SEZ6L: variants seen among roughly 807,000 people sequenced by gnomAD.
SEZ6L encodes the protein seizure 6-like protein.
SEZ6L carries 37 observed loss-of-function variants against 106.2 expected under a neutral mutation model. The ratio of observed to expected loss-of-function variants is 0.35; its 90% CI spans 0.27 to 0.46. The LOEUF (loss-of-function observed/expected upper bound fraction) is 0.46. Ranked by LOEUF, SEZ6L falls within the 20% of genes least tolerant of loss-of-function variation. The pLI, the probability that SEZ6L is intolerant of heterozygous loss-of-function variation, is 1.00. For synonymous variants in SEZ6L, 541 were observed against 570.4 expected (o/e 0.95, Z 0.73); for missense variants, 1,172 against 1,332.8 (o/e 0.88, Z 1.88).
intron 1 of SEZ6L, among the ~76,000 whole-genome samples, chr22:26,259,587 A>G (rs1262321495): frequency 6.6e-6 from 1 of 152,210 alleles, no homozygotes; most frequent in Admixed American, 6.5e-5. Flanking sequence ...GGCAGAGAGG[A>G]GACTCAACTT....
chr22:26,277,073 C>T (rs1238626556), intron 1 of SEZ6L, among the ~76,000 whole-genome samples: 5 of 150,854 alleles, frequency 3.3e-5, no homozygotes, highest in Non-Finnish European at 5.9e-5. Context: ...GACGATTATC[C>T]GATAATTACT....
rs35749592 is a variant in SEZ6L, at chr22:26,383,069, C to CTTTT, written c.*2789_*2792dup. 2.5e-5 allele frequency: 3 copies of CTTTT among 119,658 alleles called. No individual in the cohort carries two copies. The highest frequency in any genetic ancestry group is 5.1e-5 in the Non-Finnish European group (3 of 58,766). The allele number at this position is 119,658 out of a possible 1,614,324, so 7.4% of individuals were successfully genotyped here. A position where few individuals can be genotyped will look rare whatever the true frequency, so the allele number is the denominator to read the frequency against. On this transcript the variant is annotated 3_prime_UTR_variant, in exon 17 of 17. Coordinates refer to ENST00000248933, the MANE Select transcript of SEZ6L (RefSeq NM_021115.5). ...CTTTAGCTTGGAGCTCAGCTTTTTG[C>CTTTT]TTTTTTTTTTTTTTTTTTGTAGAAT...
chr22:26,308,023 A>G (rs1471077909), intron 6 of SEZ6L, among the ~76,000 whole-genome samples: 2 of 152,208 alleles, frequency 1.3e-5, no homozygotes, highest in Admixed American at 6.5e-5. Flanking sequence ...TGTAGAGTTC[A>G]TCAAGGTTAA....
intron 1 of SEZ6L, among the ~76,000 whole-genome samples, chr22:26,193,673 G>A (rs1940393988): frequency 2.0e-5 from 3 of 152,048 alleles, no homozygotes; most frequent in African/African-American, 7.2e-5. Flanking sequence ...TTACAATTTT[G>A]AAAAGCAATT....
intron 1 of SEZ6L, among the ~76,000 whole-genome samples, chr22:26,263,831 C>T (rs1293072039): frequency 2.0e-5 from 3 of 152,180 alleles, no homozygotes; most frequent in Non-Finnish European, 2.9e-5. Flanking sequence ...CAACTCAATC[C>T]CAAGACTTCT....
chr22:26,239,259 G>A (rs1052476458), intron 1 of SEZ6L, among the ~76,000 whole-genome samples: 1 of 152,174 alleles, frequency 6.6e-6, no homozygotes, highest in African/African-American at 2.4e-5. Context: ...CAGCTGGGGG[G>A]CAGGGTGGAG....
chr22:26,204,587 T>C (rs578254853), intron 1 of SEZ6L, among the ~76,000 whole-genome samples: 1 of 152,372 alleles, frequency 6.6e-6, no homozygotes, highest in African/African-American at 2.4e-5. Context: ...GCCTTTGTTC[T>C]TAACTACCAA....
chr22:26,242,148 C>A (rs1032202214), intron 1 of SEZ6L, among the ~76,000 whole-genome samples: 1 of 152,246 alleles, frequency 6.6e-6, no homozygotes, highest in African/African-American at 2.4e-5. Flanking sequence ...TTGCTGAAAT[C>A]ATGGAGCCCC....
At chr22:26,237,375 A>G (rs2078986344) in intron 1 of SEZ6L, among the ~76,000 whole-genome samples, 2 of 152,278 alleles carry the variant, frequency 1.3e-5, no homozygotes, top group South Asian at 2.1e-4. Flanking sequence ...GAAACTCCCA[A>G]TAAAATGTTT....
chr22:26,186,265 G>T (rs1377230181), intron 1 of SEZ6L, among the ~76,000 whole-genome samples: 1 of 152,130 alleles, frequency 6.6e-6, no homozygotes, highest in African/African-American at 2.4e-5. Context: ...AGCCAGCATG[G>T]CCAGAATATC....
chr22:26,209,188 C>T (rs937851370), intron 1 of SEZ6L, among the ~76,000 whole-genome samples: 19 of 152,122 alleles, frequency 1.2e-4, no homozygotes, highest in African/African-American at 4.6e-4. Context: ...ATAGTTACTT[C>T]CTTGACATCT....
chr22:26,219,581 T>C (rs1001397958), intron 1 of SEZ6L, among the ~76,000 whole-genome samples: 2 of 152,130 alleles, frequency 1.3e-5, no homozygotes, highest in Non-Finnish European at 2.9e-5. Context: ...AACCACTTTC[T>C]AAGGGCATTT....
intron 1 of SEZ6L, among the ~76,000 whole-genome samples, chr22:26,172,993 G>C (rs1265807764): frequency 6.6e-6 from 1 of 152,202 alleles, no homozygotes; most frequent in Non-Finnish European, 1.5e-5. Context: ...AGGAAAAGAA[G>C]TGCAGCTCCA....
chr22:26,186,482 G>A (rs975815519), intron 1 of SEZ6L, among the ~76,000 whole-genome samples: 1 of 151,992 alleles, frequency 6.6e-6, no homozygotes, highest in African/African-American at 2.4e-5. Flanking sequence ...TATAGCCAAG[G>A]TGCAGAGTAG....
chr22:26,212,927 G>A (rs762318587), intron 1 of SEZ6L, among the ~76,000 whole-genome samples: 7 of 152,184 alleles, frequency 4.6e-5, no homozygotes, highest in Non-Finnish European at 8.8e-5. Flanking sequence ...CCCGTGCTTG[G>A]GATGGGGGTT....
chr22:26,230,568 A>G lies in SEZ6L; in HGVS notation c.94+60805A>G, dbSNP rs539271514. On this transcript the variant is annotated intron_variant, in intron 1 of 16. Transcript: ENST00000248933. Reference sequence around the variant, plus strand: ...GAATCAGATAATAAACATTCAGCACACAGCTAGATAAACAGAAAGTGCTGC... The same window carrying G: ...GAATCAGATAATAAACATTCAGCACGCAGCTAGATAAACAGAAAGTGCTGC... 5.9e-5 allele frequency among the ~76,000 whole-genome samples: 9 copies of G among 152,346 alleles called. No homozygotes were observed. The South Asian group carries it at 1.9e-3, about 32-fold the overall frequency.
At chr22:26,363,562 G>A (rs935933909) in intron 12 of SEZ6L, among the ~76,000 whole-genome samples, 1 of 152,210 alleles carries the variant, frequency 6.6e-6, no homozygotes, top group Non-Finnish European at 1.5e-5. Context: ...ATAAGACAGA[G>A]TTCCAAGGAC....
intron 6 of SEZ6L, among the ~76,000 whole-genome samples, chr22:26,307,068 A>G (rs1482855387): frequency 6.6e-6 from 1 of 152,210 alleles, no homozygotes; most frequent in Non-Finnish European, 1.5e-5. Flanking sequence ...ACTGCTGGGA[A>G]AACCGGGATT....
At chr22:26,293,275 A>T in intron 2 of SEZ6L, 129 bp downstream of exon 2, 1 of 1,300,990 alleles carries the variant, frequency 7.7e-7, no homozygotes, top group Non-Finnish European at 1.0e-6. Flanking sequence ...TTGAGCACTG[A>T]CTATGAGCTT....
Sources: gnomAD v4.1 joint callset for allele counts (sites outside exome capture counted in the v4.1 genomes callset) on GRCh38, gnomAD v4.1.1 for gene constraint, MANE v1.5 for transcripts, NCBI Gene and HGNC (gene_info 2026-07-23, HGNC 2026-07-21) for gene names.